Variants in NTSR1 observed in about 807,000 individuals in gnomAD.
The protein encoded by NTSR1 is neurotensin receptor type 1.
A neutral mutation model predicts 31.2 loss-of-function variants in NTSR1; 29 were observed. The ratio of observed to expected loss-of-function variants is 0.93; its 90% CI spans 0.69 to 1.27. The LOEUF is 1.27. Among genes scored for constraint, NTSR1 ranks in the 50% most tolerant of loss-of-function variants. The pLI is 0.00. For synonymous variants in NTSR1, 282 were observed against 269.9 expected, an observed-to-expected ratio of 1.04 and a Z score of -0.44; for missense variants, 697 against 595.4, an observed-to-expected ratio of 1.17 and a Z score of -1.78.
chr20:62,740,126 G>A (rs567062452), intron 1 of NTSR1, among the ~76,000 whole-genome samples: 65 of 152,380 alleles, frequency 4.3e-4, no homozygotes, highest in African/African-American at 1.5e-3. Flanking sequence ...TTTCCGGATG[G>A]TGTGGCTTTT....
chr20:62,750,603 A>C (rs908498415), intron 1 of NTSR1, among the ~76,000 whole-genome samples: 4 of 147,684 alleles, frequency 2.7e-5, no homozygotes, highest in African/African-American at 7.4e-5. Context: ...AGGCAGGAGA[A>C]TGGCGTGAAC....
In NTSR1 at chr20:62,708,883, G is replaced by A. The variant is rs1021798598; in HGVS notation, c.-325G>A. ...GAGCCGGGCTGGGCGCTGTCCTCGG[G>A]GGCCTGGGGAACCGCGCGGTTTGGA... On this transcript the variant is annotated 5_prime_UTR_variant, in exon 1 of 4. Coordinates refer to ENST00000370501, the MANE Select transcript of NTSR1 (RefSeq NM_002531.3). The surrounding 1 kb of genome is among the most constrained non-coding windows in gnomAD (Gnocchi z 5.9). The A allele has an allele frequency of 1.6e-5, 5 of 303,168 alleles. No individual in the cohort carries two copies. The highest frequency in any genetic ancestry group is 3.0e-5 in the Non-Finnish European group (5 of 166,076). 18.8% of individuals were successfully genotyped at this position (303,168 alleles called of 1,614,324 possible). A position where few individuals can be genotyped will look rare whatever the true frequency, so the allele number is the denominator to read the frequency against.
rs944428643 is a variant in NTSR1, at chr20:62,758,502, G to A, written c.1007+146G>A. The A allele has an allele frequency of 6.2e-5, 44 of 709,502 alleles. No homozygotes were observed. Among genetic ancestry groups the A allele is most frequent in the Non-Finnish European group, 9.7e-5 (40 of 412,218 alleles). The allele number at this position is 709,502 out of a possible 1,614,324, so 44.0% of individuals were successfully genotyped here. On this transcript the variant is annotated intron_variant, in intron 3 of 3. Transcript: ENST00000370501. This position sits in a 1 kb window ranked among gnomAD's most constrained non-coding sequence, Gnocchi z 4.5. ...GCGACCCCCTGGGCAGGGTTGTGCT[G>A]TGACTGGGGCCGGGAGAAGGCCATG...
At chr20:62,738,355 A>T (rs1005330762) in intron 1 of NTSR1, among the ~76,000 whole-genome samples, 2 of 152,270 alleles carry the variant, frequency 1.3e-5, no homozygotes, top group Non-Finnish European at 2.9e-5. Flanking sequence ...TCAGGTCTGC[A>T]GCCCGGCTTG....
intron 1 of NTSR1, among the ~76,000 whole-genome samples, chr20:62,738,689 G>A (rs1003235883): frequency 1.3e-5 from 2 of 152,236 alleles, no homozygotes; most frequent in African/African-American, 4.8e-5. Context: ...TCTTCTGCCC[G>A]CGGGGTTAGC....
At position 62,754,873 on chromosome 20, in the gene NTSR1, C is replaced by G. The variant is rs34864360; in HGVS notation, c.903C>G (p.Gly301=). ...GCAGGGTCCAGGCCCTGCGGCACGGCGTGCGCGTCCTACGTACGTAACCTC... is the reference window on the plus strand; with the variant it reads ...GCAGGGTCCAGGCCCTGCGGCACGGGGTGCGCGTCCTACGTACGTAACCTC... ...EPGRVQALRH[G]VRVLRAVVIA... Residue 301 remains glycine (G), a synonymous_variant, in exon 2 of 4, where the codon GGC becomes GGG. Transcript: ENST00000370501. 7 of 1,600,250 alleles carry G rather than the reference C, an allele frequency of 4.4e-6. No individual in the cohort carries two copies. The African/African-American group carries it at 6.7e-5, about 15-fold the overall frequency.
At chr20:62,726,003 C>T (rs1052713403) in intron 1 of NTSR1, among the ~76,000 whole-genome samples, 1 of 152,214 alleles carries the variant, frequency 6.6e-6, no homozygotes, top group Non-Finnish European at 1.5e-5. Context: ...ATCTGCTGCC[C>T]TGTCCCTGCC....
chr20:62,750,178 T>C (rs934238587), intron 1 of NTSR1, among the ~76,000 whole-genome samples: 2 of 152,186 alleles, frequency 1.3e-5, no homozygotes, highest in African/African-American at 4.8e-5. Context: ...GGCATTATGC[T>C]AAGTGAAATA....
rs1383277960 is a variant in NTSR1 at position 62,711,387 on chromosome 20, C to T, written c.714+1466C>T. Among the ~76,000 whole-genome samples the T allele has an allele frequency of 6.6e-6, 1 of 152,188 alleles. No homozygotes were observed. The highest frequency in any genetic ancestry group is 1.9e-4 in the East Asian group (1 of 5,188). ...TCCCTTTGAGGCTTTATCTGCTCTC[C>T]CCAAGCTCCTGTCTTTGATTGGCAT... On this transcript the variant is annotated intron_variant, in intron 1 of 3. Coordinates refer to ENST00000370501, the MANE Select transcript of NTSR1 (RefSeq NM_002531.3). The surrounding 1 kb of genome is among the most constrained non-coding windows in gnomAD (Gnocchi z 6.4).
In NTSR1 at chr20:62,742,413, CA is replaced by C. The variant is rs1269369726; in HGVS notation, c.715-12271del. Among the ~76,000 whole-genome samples, 2 of 149,472 alleles carry C rather than the reference CA, an allele frequency of 1.3e-5. No homozygotes were observed. The highest frequency in any genetic ancestry group is 2.9e-5 in the Non-Finnish European group (2 of 68,014). On this transcript the variant is annotated intron_variant, in intron 1 of 3. Coordinates refer to ENST00000370501, the MANE Select transcript of NTSR1 (RefSeq NM_002531.3). The surrounding 1 kb of genome is among the most constrained non-coding windows in gnomAD (Gnocchi z 7.1). ...CGTGTCCCCACTGGGCAGCAAGTCCCACAGCTTTGCATTCCAGATCCCAGCA... is the reference window on the plus strand; with the variant it reads ...CGTGTCCCCACTGGGCAGCAAGTCCCCAGCTTTGCATTCCAGATCCCAGCA...
intron 1 of NTSR1, among the ~76,000 whole-genome samples, chr20:62,710,511 CAT>C (rs1039843544): frequency 6.6e-6 from 1 of 152,206 alleles, no homozygotes; most frequent in African/African-American, 2.4e-5. Flanking sequence ...GCCCCTGACA[CAT>C]AGAAGGGCTC....
intron 1 of NTSR1, among the ~76,000 whole-genome samples, chr20:62,731,229 C>T (rs998373714): frequency 1.3e-5 from 2 of 152,004 alleles, no homozygotes; most frequent in African/African-American, 2.4e-5. Flanking sequence ...GGATTACAGG[C>T]GTGCACCACC....
chr20:62,709,591 C>T lies in NTSR1; in HGVS notation c.384C>T (p.Ile128=). The T allele has an allele frequency of 6.2e-7, 1 of 1,611,622 alleles. No individual in the cohort carries two copies. Among genetic ancestry groups the T allele is most frequent in the East Asian group, 2.2e-5 (1 of 44,874 alleles). The change falls in exon 1 of 4, where the codon ATC becomes ATT. Residue 128 remains isoleucine (I), a synonymous_variant. Transcript: ENST00000370501. Reference sequence around the variant, plus strand: ...TGCCCGTGGAGCTGTACAACTTCATCTGGGTGCACCACCCCTGGGCCTTCG... The same window carrying T: ...TGCCCGTGGAGCTGTACAACTTCATTTGGGTGCACCACCCCTGGGCCTTCG... ...LAMPVELYNF[I]WVHHPWAFGD... is the part of the protein sequence containing the mutation.
At chr20:62,727,340 G>T (rs561489281) in intron 1 of NTSR1, among the ~76,000 whole-genome samples, 2 of 152,222 alleles carry the variant, frequency 1.3e-5, no homozygotes, top group Non-Finnish European at 2.9e-5. Flanking sequence ...GGGTGGAAGT[G>T]GGGGGTCCCA....
chr20:62,729,796 T>C (rs1006302091), intron 1 of NTSR1, among the ~76,000 whole-genome samples: 10 of 152,008 alleles, frequency 6.6e-5, no homozygotes, highest in African/African-American at 2.4e-4. Context: ...TAATGTTTTA[T>C]ATTTTTGGTA....
intron 1 of NTSR1, among the ~76,000 whole-genome samples, chr20:62,710,479 A>T (rs544015878): frequency 6.6e-6 from 1 of 152,282 alleles, no homozygotes; most frequent in East Asian, 1.9e-4. Flanking sequence ...TGGAGAGAGG[A>T]CGCGTGGGAA....
intron 1 of NTSR1, among the ~76,000 whole-genome samples, chr20:62,735,537 C>T (rs1413348553): frequency 2.0e-5 from 3 of 152,236 alleles, no homozygotes; most frequent in Non-Finnish European, 4.4e-5. Context: ...CCGATTATGT[C>T]TTTGTGACAA....
At chr20:62,717,104 C>A (rs968801800) in intron 1 of NTSR1, among the ~76,000 whole-genome samples, 2 of 152,242 alleles carry the variant, frequency 1.3e-5, no homozygotes, top group African/African-American at 4.8e-5. Flanking sequence ...GCCTGCCCCA[C>A]CCTGGTGCCC....
rs1989627753 is a variant in NTSR1, at chr20:62,761,786, A to G, written c.*1519A>G. 1 of 152,240 alleles carries G rather than the reference A, an allele frequency of 6.6e-6. No homozygotes were observed. The highest frequency in any genetic ancestry group is 2.1e-4 in the South Asian group (1 of 4,838). 9.4% of individuals were successfully genotyped at this position (152,240 alleles called of 1,614,324 possible). The stretch of plus-strand genomic sequence containing the variant: ...GAGAGTCGAATGCTACAGTATCTGC[A>G]GTCGCTTGGATCTGGCTGTTGAGTT... On this transcript the variant is annotated 3_prime_UTR_variant, in exon 4 of 4. Coordinates refer to ENST00000370501, the MANE Select transcript of NTSR1 (RefSeq NM_002531.3).
Sources: gnomAD v4.1 joint callset for allele counts (sites outside exome capture counted in the v4.1 genomes callset) on GRCh38, gnomAD v4.1.1 for gene constraint, Gnocchi (gnomAD v3.1) non-coding constraint, MANE v1.5 for transcripts, NCBI Gene and HGNC (gene_info 2026-07-23, HGNC 2026-07-21) for gene names.